KCTD1: variants seen among roughly 807,000 people sequenced by gnomAD.
KCTD1 encodes BTB/POZ domain-containing protein KCTD1.
In KCTD1, 24 loss-of-function variants were observed where a neutral mutation model predicts 66.0. That is an observed-to-expected ratio of 0.36 (90% CI 0.26 to 0.51). The LOEUF (loss-of-function observed/expected upper bound fraction) is 0.51. Ranked by LOEUF, KCTD1 falls within the 20% of genes least tolerant of loss-of-function variation. The pLI is 0.95. For missense variants in KCTD1, 943 were observed against 1,205.2 expected (o/e 0.78, Z 3.22); for synonymous variants, 511 against 517.2 (o/e 0.99, Z 0.16).
intron 1 of KCTD1, among the ~76,000 whole-genome samples, chr18:26,579,983 G>A (rs2080366915): frequency 6.6e-6 from 1 of 152,130 alleles, no homozygotes; most frequent in Admixed American, 6.5e-5. Context: ...TTGGCCAATG[G>A]TAACATAGCC....
chr18:26,539,884 G>A (rs906137240), intron 1 of KCTD1, among the ~76,000 whole-genome samples: 2 of 152,150 alleles, frequency 1.3e-5, no homozygotes, highest in Non-Finnish European at 2.9e-5. Flanking sequence ...CAAATATCAA[G>A]TTTACATATA....
At chr18:26,473,342 A>C (rs558814111) in intron 3 of KCTD1, among the ~76,000 whole-genome samples, 3 of 152,156 alleles carry the variant, frequency 2.0e-5, no homozygotes, top group African/African-American at 7.2e-5. Context: ...TCTCACTTAT[A>C]AGTGGGAGCT....
intron 1 of KCTD1, among the ~76,000 whole-genome samples, chr18:26,620,893 C>A (rs1293175233): frequency 5.5e-4 from 79 of 143,716 alleles, no homozygotes; most frequent in African/African-American, 2.0e-3. Context: ...AGTGCCGTGG[C>A]GCGATCTCGG....
rs11661046 is a variant in KCTD1, at chr18:26,532,848, T to G, written c.1809+13880A>C. Among the ~76,000 whole-genome samples the G allele has an allele frequency of 8.2e-3, 1,243 of 152,302 alleles. 7 individuals are homozygous for G. The highest frequency in any genetic ancestry group is 0.014 in the Non-Finnish European group (920 of 68,026). ...TTACTTCCATCTATATTAATCATGG[T>G]TTTATTAGTTTTCCTGTCTTTCCCA... On this transcript the variant is annotated intron_variant, in intron 1 of 4. Coordinates refer to ENST00000580059, the MANE Select transcript of KCTD1 (RefSeq NM_001142730.3).
At chr18:26,571,574 T>C (rs1056638340) in intron 1 of KCTD1, among the ~76,000 whole-genome samples, 3 of 152,218 alleles carry the variant, frequency 2.0e-5, no homozygotes, top group Admixed American at 6.5e-5. Flanking sequence ...ATAAATGCTA[T>C]GAAAATAGTT....
intron 1 of KCTD1, chr18:26,543,467 G>T (rs1038252129): frequency 2.0e-5 from 3 of 152,228 alleles, no homozygotes; most frequent in Non-Finnish European, 2.9e-5. Context: ...TCACTATTAA[G>T]TAGATACATT....
intron 3 of KCTD1, among the ~76,000 whole-genome samples, chr18:26,464,236 C>T (rs1980602001): frequency 6.6e-6 from 1 of 152,244 alleles, no homozygotes; most frequent in South Asian, 2.1e-4. Context: ...CTTCTGGAGG[C>T]TCTGGGGACA....
At chr18:26,502,337 C>T (rs375328870) in intron 1 of KCTD1, among the ~76,000 whole-genome samples, 2 of 152,216 alleles carry the variant, frequency 1.3e-5, no homozygotes, top group East Asian at 3.9e-4. Flanking sequence ...GGGTGAGCCA[C>T]CGTGCCCAGC....
chr18:26,646,755 T>A (rs1259783347), intron 1 of KCTD1, among the ~76,000 whole-genome samples: 1 of 152,172 alleles, frequency 6.6e-6, no homozygotes, highest in Admixed American at 6.5e-5. Context: ...TATGCATAAC[T>A]AAAATATTGA....
chr18:26,529,262 G>A lies in KCTD1; in HGVS notation c.1809+17466C>T, dbSNP rs112663927. On this transcript the variant is annotated intron_variant, in intron 1 of 4. Transcript: ENST00000580059. ...CTGATCCCTCTGCAATCCATGGTCCGCATCTCCCCCTCCACTCAAAACCCT... is the reference window on the plus strand; with the variant it reads ...CTGATCCCTCTGCAATCCATGGTCCACATCTCCCCCTCCACTCAAAACCCT... Among the ~76,000 whole-genome samples the A allele has an allele frequency of 1.1e-3, 162 of 152,172 alleles. 3 individuals are homozygous for A. The highest frequency in any genetic ancestry group is 3.5e-3 in the African/African-American group (145 of 41,516).
At chr18:26,573,926 A>ATCCCTGG (rs927148033) in intron 1 of KCTD1, among the ~76,000 whole-genome samples, 1 of 152,094 alleles carries the variant, frequency 6.6e-6, no homozygotes, top group African/African-American at 2.4e-5. Flanking sequence ...GACATCTCCT[A>ATCCCTGG]TCCCTGGTCC....
At chr18:26,521,084 T>G in intron 1 of KCTD1, among the ~76,000 whole-genome samples, 1 of 151,674 alleles carries the variant, frequency 6.6e-6, no homozygotes, top group East Asian at 1.9e-4. Context: ...GCTGGGGGAG[T>G]GGGAGTGAAG....
chr18:26,527,353 A>G (rs1398492124), intron 1 of KCTD1, among the ~76,000 whole-genome samples: 1 of 152,170 alleles, frequency 6.6e-6, no homozygotes, highest in Non-Finnish European at 1.5e-5. Context: ...TCCTAATTCC[A>G]TGTCAGTGAC....
chr18:26,571,760 A>G (rs997312237), intron 1 of KCTD1, among the ~76,000 whole-genome samples: 1 of 152,178 alleles, frequency 6.6e-6, no homozygotes, highest in African/African-American at 2.4e-5. Flanking sequence ...GTGACCGTGC[A>G]TAGTAACTGG....
At chr18:26,501,042 G>A (rs372644295) in intron 2 of KCTD1, 30 bp downstream of exon 2, 53 of 1,606,186 alleles carry the variant, frequency 3.3e-5, no homozygotes, top group Non-Finnish European at 4.2e-5. Flanking sequence ...CATGCACGTC[G>A]GAGTCTGATT....
rs187996562 is a variant in KCTD1, at chr18:26,513,378, C to T, written c.1810-12128G>A. Among the ~76,000 whole-genome samples the T allele has an allele frequency of 9.3e-3, 1,409 of 151,906 alleles. 5 individuals are homozygous for T. Among genetic ancestry groups the T allele is most frequent in the Non-Finnish European group, 0.015 (1,016 of 67,936 alleles). ...CTGGGATTACAGGCGTGAGCCACCGCGCCCGGCCTCCAGGGTGTATTATTT... is the reference window on the plus strand; with the variant it reads ...CTGGGATTACAGGCGTGAGCCACCGTGCCCGGCCTCCAGGGTGTATTATTT... On this transcript the variant is annotated intron_variant, in intron 1 of 4. Coordinates refer to ENST00000580059, the MANE Select transcript of KCTD1 (RefSeq NM_001142730.3).
chr18:26,561,769 C>T (rs779764227), intron 1 of KCTD1, among the ~76,000 whole-genome samples: 11 of 152,202 alleles, frequency 7.2e-5, no homozygotes, highest in Non-Finnish European at 1.5e-4. Flanking sequence ...TGGATTGAAA[C>T]TCCTGAGCCA....
chr18:26,506,496 G>C (rs959994655), intron 1 of KCTD1, among the ~76,000 whole-genome samples: 1 of 152,208 alleles, frequency 6.6e-6, no homozygotes, highest in Non-Finnish European at 1.5e-5. Context: ...TCCAAAGTGG[G>C]AGAGCACATG....
chr18:26,618,859 T>C (rs1025803488), intron 1 of KCTD1, among the ~76,000 whole-genome samples: 9 of 152,248 alleles, frequency 5.9e-5, no homozygotes, highest in Non-Finnish European at 1.0e-4. Flanking sequence ...ACTGCATTTA[T>C]GGTTGGATGT....
Sources: allele counts gnomAD v4.1 joint callset (sites outside exome capture counted in the v4.1 genomes callset), GRCh38; gene constraint gnomAD v4.1.1; transcripts MANE v1.5; gene names NCBI Gene and HGNC (gene_info 2026-07-23, HGNC 2026-07-21).